SNX18: variants seen among roughly 807,000 people sequenced by gnomAD.
SNX18 encodes the protein sorting nexin-18.
SNX18 carries 35 observed loss-of-function variants against 48.7 expected under a neutral mutation model. That is an observed-to-expected ratio of 0.72 (90% CI 0.55 to 0.95). The LOEUF is 0.95. SNX18 is among the 40% of genes least tolerant of loss of function. SNX18 has a pLI of 0.00. For synonymous variants in SNX18, 492 were observed against 384.7 expected, an observed-to-expected ratio of 1.28 and a Z score of -3.26; for missense variants, 824 against 871.0, an observed-to-expected ratio of 0.95 and a Z score of 0.68.
At chr5:54,643,096 G>A in the SNX18 span, among the ~76,000 whole-genome samples, 1 of 152,092 alleles carries the variant, frequency 6.6e-6, no homozygotes, top group Non-Finnish European at 1.5e-5. Flanking sequence ...TATAAAGGGA[G>A]GGGGGATAAC....
chr5:54,525,068 G>C (rs1762105877), intron 1 of SNX18, among the ~76,000 whole-genome samples: 1 of 152,266 alleles, frequency 6.6e-6, no homozygotes, highest in Admixed American at 6.5e-5. Flanking sequence ...ATGGGCTCTG[G>C]AGGGCCAGTG....
chr5:54,638,798 A>C, the SNX18 span, among the ~76,000 whole-genome samples: 1 of 152,134 alleles, frequency 6.6e-6, no homozygotes, highest in African/African-American at 2.4e-5. Flanking sequence ...CGCTTGCCTA[A>C]GGTCAGCCAG....
intron 1 of SNX18, among the ~76,000 whole-genome samples, chr5:54,535,108 T>G (rs1404397201): frequency 6.6e-6 from 1 of 152,356 alleles, no homozygotes; most frequent in South Asian, 2.1e-4. Flanking sequence ...TTGTTTTATA[T>G]TCATTGCAAA....
At chr5:54,581,158 G>T in the SNX18 span, among the ~76,000 whole-genome samples, 73,917 of 151,894 alleles carry the variant, frequency 0.49, 19,278 homozygotes, top group Non-Finnish European at 0.59. Context: ...CTGCACCTTT[G>T]AATTCTGTGA....
the SNX18 span, among the ~76,000 whole-genome samples, chr5:54,558,927 T>C: frequency 5.3e-5 from 8 of 151,870 alleles, no homozygotes; most frequent in Non-Finnish European, 7.4e-5. Flanking sequence ...AAAATCATAC[T>C]AGTATGGAGG....
chr5:54,532,143 A>G (rs1378859284), intron 1 of SNX18, among the ~76,000 whole-genome samples: 1 of 152,070 alleles, frequency 6.6e-6, no homozygotes, highest in Non-Finnish European at 1.5e-5. Flanking sequence ...GCTTCTATTT[A>G]GATTTATTTT....
At chr5:54,599,775 C>T in the SNX18 span, among the ~76,000 whole-genome samples, 1 of 152,280 alleles carries the variant, frequency 6.6e-6, no homozygotes, top group Middle Eastern at 3.4e-3. Context: ...GGAAAACTGG[C>T]TATCCATTTG....
rs911414501 is a variant in SNX18 at position 54,518,270 on chromosome 5, G to T, written c.318G>T (p.Ala106=). The T allele has an allele frequency of 6.8e-7, 1 of 1,478,460 alleles. No individual in the cohort carries two copies. The highest frequency in any genetic ancestry group is 8.9e-7 in the Non-Finnish European group (1 of 1,120,326). The allele number at this position is 1,478,460 out of a possible 1,614,324, so 91.6% of individuals were successfully genotyped here. Residue 106 remains alanine (A), a synonymous_variant, in exon 1 of 2, where the codon GCG becomes GCT. Transcript: ENST00000381410. ...SFKPPPDAFQ[A]LLQPQQAPPP... ...AGCCGCCGCCTGACGCCTTCCAGGC[G>T]CTGCTGCAGCCACAGCAGGCGCCGC...
chr5:54,586,302 C>T, the SNX18 span, among the ~76,000 whole-genome samples: 1 of 152,180 alleles, frequency 6.6e-6, no homozygotes, highest in Non-Finnish European at 1.5e-5. Context: ...CCACCAAGTC[C>T]TTCACTAGCA....
the SNX18 span, among the ~76,000 whole-genome samples, chr5:54,614,518 A>T: frequency 6.6e-6 from 1 of 152,152 alleles, no homozygotes; most frequent in Non-Finnish European, 1.5e-5. Flanking sequence ...AATGAGAAAG[A>T]TTTAAGGGCC....
intron 1 of SNX18, chr5:54,519,882 TGAGAC>T: frequency 6.7e-7 from 1 of 1,496,250 alleles, no homozygotes; most frequent in South Asian, 1.3e-5. Context: ...TCTGTAATCT[TGAGAC>T]GAGGGTAGAA....
chr5:54,549,810 T>C (rs1580114454), downstream of SNX18, among the ~76,000 whole-genome samples: 4 of 152,216 alleles, frequency 2.6e-5, no homozygotes, highest in East Asian at 7.7e-4. Context: ...TGTAAGATGA[T>C]GGTCAATGTG....
chr5:54,637,739 T>C, the SNX18 span, among the ~76,000 whole-genome samples: 1 of 152,118 alleles, frequency 6.6e-6, no homozygotes, highest in Non-Finnish European at 1.5e-5. Flanking sequence ...ATCCCCTGCA[T>C]AACAACTCCG....
chr5:54,610,965 T>A, the SNX18 span, among the ~76,000 whole-genome samples: 1 of 152,208 alleles, frequency 6.6e-6, no homozygotes, highest in Admixed American at 6.5e-5. Context: ...CGTTTACAAA[T>A]GTTTTGGTTG....
At chr5:54,529,998 G>A (rs1020697285) in intron 1 of SNX18, among the ~76,000 whole-genome samples, 3 of 152,166 alleles carry the variant, frequency 2.0e-5, no homozygotes, top group Admixed American at 1.3e-4. Flanking sequence ...CAGTGTGGCA[G>A]TGCCATGCTC....
intron 1 of SNX18, among the ~76,000 whole-genome samples, chr5:54,526,862 A>G (rs1653951561): frequency 6.6e-6 from 1 of 152,058 alleles, no homozygotes; most frequent in Non-Finnish European, 1.5e-5. Context: ...ATGAAGTACT[A>G]GTAAGAGTGC....
the SNX18 span, among the ~76,000 whole-genome samples, chr5:54,619,168 A>G: frequency 6.6e-6 from 1 of 152,178 alleles, no homozygotes; most frequent in Non-Finnish European, 1.5e-5. Flanking sequence ...CAAAGAAAAT[A>G]AAAGTTATTG....
the SNX18 span, among the ~76,000 whole-genome samples, chr5:54,552,969 C>T: frequency 3.3e-5 from 5 of 152,068 alleles, no homozygotes; most frequent in Admixed American, 3.3e-4. Flanking sequence ...ATGTGGAAGA[C>T]CTTGGGAGGA....
intron 1 of SNX18, among the ~76,000 whole-genome samples, chr5:54,525,800 C>A (rs1762121565): frequency 6.6e-6 from 1 of 152,116 alleles, no homozygotes; most frequent in African/African-American, 2.4e-5. Flanking sequence ...TCTTAAGTAT[C>A]CAGGAAACTT....
Sources: allele counts gnomAD v4.1 joint callset (sites outside exome capture counted in the v4.1 genomes callset), GRCh38; gene constraint gnomAD v4.1.1; transcripts MANE v1.5; gene names NCBI Gene and HGNC (gene_info 2026-07-23, HGNC 2026-07-21).